Variants in KRT84 observed in about 807,000 individuals in gnomAD.
KRT84 encodes the protein keratin, type II cuticular Hb4.
In KRT84, 38 loss-of-function variants were observed where a neutral mutation model predicts 49.0. That is an observed-to-expected ratio of 0.78 (90% CI 0.60 to 1.02). KRT84 has a LOEUF of 1.02. Among genes scored for constraint, KRT84 ranks in the 50% least tolerant of loss-of-function variants. The pLI, the probability that KRT84 is intolerant of heterozygous loss-of-function variation, is 0.00. For missense variants in KRT84, 860 were observed against 788.6 expected (o/e 1.09, Z -1.08); for synonymous variants, 334 against 312.8 (o/e 1.07, Z -0.72).
chr12:52,383,898 G>T, intron 1 of KRT84, 100 bp from the exon 2 acceptor site: 1 of 929,406 alleles, frequency 1.1e-6, no homozygotes, highest in Non-Finnish European at 1.6e-6. Context: ...ACCACATGTC[G>T]ACAGGGTTCT....
chr12:52,381,333 C>T (rs754269484), intron 5 of KRT84, 28 bp downstream of exon 5: 2 of 1,613,922 alleles, frequency 1.2e-6, no homozygotes, highest in South Asian at 1.1e-5. Context: ...GAGCTGCCTA[C>T]ATCCCTTCCC....
In KRT84 at chr12:52,380,521, A is replaced by C. The variant is rs1732293; in HGVS notation, c.1266T>G (p.Asp422Glu). ...AEQQGEATLS[D>E]AKCKLADLEC... ...CCAGATCTGCCAGCTTGCATTTGGC[A>C]TCACTGAGGGTCGCCTCGCCCTGCT... Residue 422 changes from aspartate (D) to glutamate (E), a missense_variant, in exon 7 of 9, where the codon GAT (aspartate) becomes GAG (glutamate). Physicochemically the swap from Asp to Glu is conservative, Grantham distance 45 (BLOSUM62 2). Transcript: ENST00000257951. 9.9e-6 allele frequency: 16 copies of C among 1,613,848 alleles called. No individual in the cohort carries two copies. The highest frequency in any genetic ancestry group is 4.0e-5 in the African/African-American group (3 of 74,876).
At position 52,377,993 on chromosome 12, in the gene KRT84, G is replaced by T; in HGVS notation, c.*41C>A. On this transcript the variant is annotated 3_prime_UTR_variant, in exon 9 of 9. Transcript: ENST00000257951. The stretch of plus-strand genomic sequence containing the variant: ...TGGGGGCAGAAGCAGGAGCCGTGGA[G>T]CTGGTTCTTCTCTGGGCAGCAGCTG... 7.3e-7 allele frequency: 1 copy of T among 1,364,896 alleles called. No homozygotes were observed. Among genetic ancestry groups the T allele is most frequent in the Non-Finnish European group, 9.6e-7 (1 of 1,045,528 alleles). The allele number at this position is 1,364,896 out of a possible 1,614,324, so 84.5% of individuals were successfully genotyped here.
intron 7 of KRT84, 124 bp from the exon 8 acceptor site, chr12:52,380,031 C>T (rs1939452709): frequency 6.0e-6 from 5 of 833,786 alleles, no homozygotes; most frequent in Non-Finnish European, 9.8e-6. Context: ...CCTGGTTATA[C>T]ACACATCTGG....
rs201384300 is a variant in KRT84, at chr12:52,385,492, G to A, written c.94C>T (p.Arg32Trp). ...CTCCAACAGGAGACAGAGTTGGCCC[G>A]GAAGCGATTCAGGTTCTGTGGTGTC... ...AMTPQNLNRF[R>W]ANSVSCWSGP... The change falls in exon 1 of 9, where the codon CGG becomes TGG. Residue 32 changes from arginine (R) to tryptophan (W), a missense_variant. Coordinates refer to ENST00000257951, the MANE Select transcript of KRT84 (RefSeq NM_033045.4). 267 of 1,614,234 alleles carry A rather than the reference G, an allele frequency of 1.7e-4. 2 individuals carry two copies. The highest frequency in any genetic ancestry group is 1.8e-4 in the Admixed American group (11 of 60,034).
chr12:52,386,782 T>A (rs1352527500), upstream of KRT84, among the ~76,000 whole-genome samples: 1 of 152,178 alleles, frequency 6.6e-6, no homozygotes, highest in African/African-American at 2.4e-5. Context: ...TTGTTAGCAA[T>A]ATTGCAGCTC....
rs1191231697 is a variant in KRT84 at position 52,380,523 on chromosome 12, C to T, written c.1264G>A (p.Asp422Asn). The change falls in exon 7 of 9, where the codon GAT becomes AAT. Residue 422 changes from aspartate (D) to asparagine (N), a missense_variant. Coordinates refer to ENST00000257951, the MANE Select transcript of KRT84 (RefSeq NM_033045.4). The stretch of plus-strand genomic sequence containing the variant: ...AGATCTGCCAGCTTGCATTTGGCAT[C>T]ACTGAGGGTCGCCTCGCCCTGCTGC... Reference protein sequence around the residue: ...AEQQGEATLSDAKCKLADLEC... With the variant: ...AEQQGEATLSNAKCKLADLEC... 1 of 1,613,940 alleles carries T rather than the reference C, an allele frequency of 6.2e-7. No individual in the cohort carries two copies. The highest frequency in any genetic ancestry group is 8.5e-7 in the Non-Finnish European group (1 of 1,179,942).
upstream of KRT84, among the ~76,000 whole-genome samples, chr12:52,386,064 A>G (rs189876670): frequency 4.4e-3 from 677 of 152,286 alleles, 9 homozygotes; most frequent in African/African-American, 0.016. Flanking sequence ...ATAACCCCCT[A>G]AAGAGGTGGG....
In KRT84 at chr12:52,378,309, C is replaced by T. The variant is rs570049642; in HGVS notation, c.1528G>A (p.Gly510Ser). The part of the protein sequence containing the change: ...PLVAGSTLSR[G>S]GVTFSGSSSV... ...CTGCTACCTGAGAAGGTGACCCCGC[C>T]GCGGGAGAGGGTGGAGCCGGCAACC... The change falls in exon 9 of 9, where the codon GGC becomes AGC. Residue 510 changes from glycine (G) to serine (S), a missense_variant. Transcript: ENST00000257951. 4.0e-5 allele frequency: 61 copies of T among 1,537,972 alleles called. No homozygotes were observed. The Admixed American group carries it at 5.7e-4, about 14-fold the overall frequency.
chr12:52,381,572 G>T, intron 4 of KRT84, 47 bp from the exon 5 acceptor site: 1 of 1,588,680 alleles, frequency 6.3e-7, no homozygotes, highest in Non-Finnish European at 8.6e-7. Flanking sequence ...GTCTCATTTA[G>T]TAGCTGGGAC....
chr12:52,384,196 G>C (rs1419220117), intron 1 of KRT84, among the ~76,000 whole-genome samples: 2 of 152,176 alleles, frequency 1.3e-5, no homozygotes, highest in African/African-American at 4.8e-5. Flanking sequence ...GGTGGGATAT[G>C]GTACTGGGAG....
intron 2 of KRT84, 22 bp downstream of exon 2, chr12:52,383,568 G>T (rs1316019327): frequency 6.2e-7 from 1 of 1,603,328 alleles, no homozygotes; most frequent in East Asian, 2.2e-5. Flanking sequence ...TCACTGGTCT[G>T]TGCAGCTCAG....
At chr12:52,379,413 A>G (rs931770420) in intron 8 of KRT84, among the ~76,000 whole-genome samples, 3 of 152,172 alleles carry the variant, frequency 2.0e-5, no homozygotes, top group Non-Finnish European at 4.4e-5. Context: ...GTGTCCCCAG[A>G]CTGCCATGCC....
upstream of KRT84, among the ~76,000 whole-genome samples, chr12:52,386,468 C>T (rs183174610): frequency 3.8e-4 from 57 of 150,770 alleles, no homozygotes; most frequent in Middle Eastern, 3.4e-3. Context: ...GTGATCCTCC[C>T]GCCTCCGCCT....
At chr12:52,382,950 G>C (rs1939509652) in intron 3 of KRT84, 55 bp downstream of exon 3, 1 of 1,504,822 alleles carries the variant, frequency 6.6e-7, no homozygotes, top group Non-Finnish European at 9.3e-7. Flanking sequence ...GGGGAGTCTT[G>C]AGAACATTTG....
intron 2 of KRT84, 108 bp from the exon 3 acceptor site, chr12:52,383,173 T>A: frequency 1.1e-6 from 1 of 878,908 alleles, no homozygotes; most frequent in Non-Finnish European, 1.9e-6. Context: ...AGGATCATGG[T>A]TCCCTATTGC....
chr12:52,379,006 C>A (rs549315466), intron 8 of KRT84, among the ~76,000 whole-genome samples: 1 of 152,312 alleles, frequency 6.6e-6, no homozygotes, highest in East Asian at 1.9e-4. Context: ...ACCCAGAATC[C>A]TTCCTGCCAT....
Position 52,381,074 on chromosome 12 carries a change from G to T in KRT84, c.1203+6C>A, listed in dbSNP as rs1939473277. On this transcript the variant is annotated splice_donor_region_variant and intron_variant, in intron 6 of 8. Transcript: ENST00000257951. ...TCTGAGGCTTTCCCTCCTTTCCTTT[G>T]CCCACCTGAGCCTTGGCGTGCTCAA... 1.2e-6 allele frequency: 2 copies of T among 1,613,162 alleles called. No individual in the cohort carries two copies. Among genetic ancestry groups the T allele is most frequent in the African/African-American group, 2.7e-5 (2 of 74,824 alleles).
chr12:52,379,755 C>A (rs1370519776), intron 8 of KRT84, 121 bp downstream of exon 8: 3 of 785,102 alleles, frequency 3.8e-6, no homozygotes, highest in Non-Finnish European at 6.7e-6. Context: ...GGTCCCAGCT[C>A]CCCTGACTGT....
Sources: gnomAD v4.1 joint callset for allele counts (sites outside exome capture counted in the v4.1 genomes callset) on GRCh38, gnomAD v4.1.1 for gene constraint, MANE v1.5 for transcripts, NCBI Gene and HGNC (gene_info 2026-07-23, HGNC 2026-07-21) for gene names.